Variants in SPAST observed in about 807,000 individuals in gnomAD.
The protein encoded by SPAST is spastic paraplegia 4 (autosomal dominant; spastin).
SPAST carries 30 observed loss-of-function variants against 76.6 expected under a neutral mutation model. That is an observed-to-expected ratio of 0.39 (90% CI 0.29 to 0.53). The LOEUF is 0.53. Ranked by LOEUF, SPAST falls within the 20% of genes least tolerant of loss-of-function variation. SPAST has a pLI of 0.68. For synonymous variants in SPAST, 305 were observed against 281.0 expected (o/e 1.09, Z -0.86); for missense variants, 717 against 770.5 (o/e 0.93, Z 0.82).
rs1450764715 is a variant in SPAST, at chr2:32,072,290, G to A, written c.415+8044G>A. On this transcript the variant is annotated intron_variant, in intron 1 of 16. Transcript: ENST00000315285. ...GATCTCTTGACCTCGTGATTCACCC[G>A]CCTCGGCCTCCCAAAGTGCTGGGAT... Among the ~76,000 whole-genome samples the A allele has an allele frequency of 7.2e-5, 11 of 152,158 alleles. No homozygotes were observed. The East Asian group carries it at 7.7e-4, about 11-fold the overall frequency.
intron 1 of SPAST, among the ~76,000 whole-genome samples, chr2:32,068,736 A>G (rs964986530): frequency 2.0e-5 from 3 of 152,116 alleles, no homozygotes; most frequent in African/African-American, 4.8e-5. Flanking sequence ...TTAAAAATGA[A>G]GTAAAACTTT....
At chr2:32,104,925 G>A (rs1410396496) in intron 4 of SPAST, among the ~76,000 whole-genome samples, 1 of 152,108 alleles carries the variant, frequency 6.6e-6, no homozygotes, top group Non-Finnish European at 1.5e-5. Context: ...TGACAATTAT[G>A]TGTCTTGGAG....
intron 4 of SPAST, among the ~76,000 whole-genome samples, chr2:32,109,328 C>T (rs530741846): frequency 1.3e-5 from 2 of 151,732 alleles, no homozygotes; most frequent in African/African-American, 2.4e-5. Flanking sequence ...AGGCTGGTCT[C>T]GAACTCCTGA....
intron 13 of SPAST, 82 bp downstream of exon 13, chr2:32,142,028 A>G (rs1197044296): frequency 4.7e-6 from 5 of 1,053,184 alleles, no homozygotes; most frequent in Non-Finnish European, 7.4e-6. Context: ...CTTCCAATCC[A>G]TGGTACAGCT....
Position 32,143,317 on chromosome 2 carries a change from A to AT in SPAST, c.1537-13dup, listed in dbSNP as rs763499936. On this transcript the variant is annotated intron_variant, in intron 13 of 16. Transcript: ENST00000315285. Reference sequence around the variant, plus strand: ...AATTCTGAAATTAGACTGAATGATCATTTTTTAATATTTTTCAGACAAGAC... The same window carrying AT: ...AATTCTGAAATTAGACTGAATGATCATTTTTTTAATATTTTTCAGACAAGAC... The AT allele has an allele frequency of 5.2e-6, 7 of 1,353,262 alleles. No homozygotes were observed. The highest frequency in any genetic ancestry group is 2.3e-5 in the East Asian group (1 of 43,582). 83.8% of individuals were successfully genotyped at this position (1,353,262 alleles called of 1,614,324 possible).
intron 2 of SPAST, among the ~76,000 whole-genome samples, 188 bp from the exon 3 acceptor site, chr2:32,089,334 G>T (rs753374152): frequency 2.0e-5 from 3 of 151,216 alleles, no homozygotes; most frequent in African/African-American, 4.9e-5. Context: ...ACAACACCTG[G>T]CCTAAAGATA....
chr2:32,112,058 T>C (rs1678635533), intron 4 of SPAST, among the ~76,000 whole-genome samples: 1 of 150,956 alleles, frequency 6.6e-6, no homozygotes, highest in East Asian at 1.9e-4. Flanking sequence ...GTTCAAGTGA[T>C]TCTCCTGCCT....
At chr2:32,154,308 A>C (rs1489215193) in intron 16 of SPAST, 66 bp from the exon 17 acceptor site, 2 of 1,388,802 alleles carry the variant, frequency 1.4e-6, no homozygotes, top group South Asian at 2.3e-5. Context: ...ACTTTAATCC[A>C]TCATTTCGTT....
chr2:32,100,397 C>G (rs761125083), intron 4 of SPAST, among the ~76,000 whole-genome samples: 2 of 149,706 alleles, frequency 1.3e-5, no homozygotes, highest in Non-Finnish European at 3.0e-5. Flanking sequence ...TCAAATTATA[C>G]CAGAACAACC....
At chr2:32,110,626 A>C (rs538527678) in intron 4 of SPAST, among the ~76,000 whole-genome samples, 84 of 133,854 alleles carry the variant, frequency 6.3e-4, no homozygotes, top group African/African-American at 2.2e-3. Context: ...GTGTATATAT[A>C]GTATATGTAG....
At chr2:32,095,195 G>T (rs901124126) in intron 3 of SPAST, among the ~76,000 whole-genome samples, 2 of 152,054 alleles carry the variant, frequency 1.3e-5, no homozygotes, top group Non-Finnish European at 2.9e-5. Context: ...GTTGAAGGTC[G>T]AACAACTAGA....
intron 4 of SPAST, among the ~76,000 whole-genome samples, chr2:32,105,896 T>C (rs1348496224): frequency 6.6e-6 from 1 of 152,212 alleles, no homozygotes; most frequent in Non-Finnish European, 1.5e-5. Context: ...CCAGTTAGGC[T>C]ACTTGGGGAT....
intron 13 of SPAST, 103 bp from the exon 14 acceptor site, chr2:32,143,233 C>T: frequency 1.4e-6 from 1 of 726,338 alleles, no homozygotes; most frequent in Non-Finnish European, 2.4e-6. Context: ...GTGCCCTGCA[C>T]TCCAGCCTGG....
intron 16 of SPAST, among the ~76,000 whole-genome samples, chr2:32,149,341 G>A (rs1411339252): frequency 3.3e-5 from 5 of 150,586 alleles, no homozygotes; most frequent in African/African-American, 9.8e-5. Context: ...TCAGGCGATC[G>A]CCAGCCTCGG....
chr2:32,087,131 T>C (rs1373926128), intron 1 of SPAST, among the ~76,000 whole-genome samples: 1 of 152,216 alleles, frequency 6.6e-6, no homozygotes, highest in Non-Finnish European at 1.5e-5. Flanking sequence ...GATTAAACAA[T>C]GCTTTTTGTT....
intron 9 of SPAST, among the ~76,000 whole-genome samples, chr2:32,135,207 G>A (rs1679497557): frequency 6.6e-6 from 1 of 151,136 alleles, no homozygotes; most frequent in Admixed American, 6.6e-5. Context: ...TCGGCTCACT[G>A]CAAGCTCCAC....
At chr2:32,083,739 ATTT>A (rs1677339777) in intron 1 of SPAST, among the ~76,000 whole-genome samples, 1 of 63,092 alleles carries the variant, frequency 1.6e-5, no homozygotes, top group Non-Finnish European at 2.8e-5. Flanking sequence ...TACTATATAT[ATTT>A]ATATATACTA....
Position 32,148,174 on chromosome 2 carries a change from C to T in SPAST, c.1728+916C>T, listed in dbSNP as rs564543670. ...TCTCAGACTCTTGGCCTCAAGTAAT[C>T]CTCCTGCCTCAGTCTCTCAGAGTGC... is the stretch of plus-strand genomic sequence containing the variant. On this transcript the variant is annotated intron_variant, in intron 16 of 16. Coordinates refer to ENST00000315285, the MANE Select transcript of SPAST (RefSeq NM_014946.4). Among the ~76,000 whole-genome samples, 92 of 151,618 alleles carry T rather than the reference C, an allele frequency of 6.1e-4. 1 individual carries two copies. The South Asian group carries it at 0.016, about 26-fold the overall frequency.
chr2:32,126,319 C>T (rs1355465414), intron 7 of SPAST, among the ~76,000 whole-genome samples: 1 of 151,960 alleles, frequency 6.6e-6, no homozygotes. Flanking sequence ...TGTTAATCTC[C>T]TTTTCTATTT....
Sources: gnomAD v4.1 joint callset for allele counts (sites outside exome capture counted in the v4.1 genomes callset) on GRCh38, gnomAD v4.1.1 for gene constraint, MANE v1.5 for transcripts, NCBI Gene and HGNC (gene_info 2026-07-23, HGNC 2026-07-21) for gene names.